Variants in AHDC1 observed in about 807,000 individuals in gnomAD.
AHDC1 encodes transcription factor Gibbin.
Under a neutral mutation model 87.9 loss-of-function variants are expected in AHDC1, and 7 were observed. That is an observed-to-expected ratio of 0.08 (90% CI 0.05 to 0.15). The LOEUF (loss-of-function observed/expected upper bound fraction) is 0.15. Among genes scored for constraint, AHDC1 ranks in the 10% least tolerant of loss-of-function variants. The pLI, the probability that AHDC1 is intolerant of heterozygous loss-of-function variation, is 1.00. For synonymous variants in AHDC1, 1,051 were observed against 1,006.8 expected (o/e 1.04, Z -0.83); for missense variants, 1,841 against 2,253.2 (o/e 0.82, Z 3.70).
At chr1:27,574,791 G>A (rs576030315) in intron 3 of AHDC1, among the ~76,000 whole-genome samples, 25 of 152,274 alleles carry the variant, frequency 1.6e-4, no homozygotes, top group African/African-American at 5.5e-4. Flanking sequence ...CAAAGGGCAG[G>A]GTAGACCTCT....
rs2020287151 is a variant in AHDC1, at chr1:27,565,661, A to C, written c.-628-6778T>G. Among the ~76,000 whole-genome samples the C allele has an allele frequency of 6.6e-6, 1 of 152,214 alleles. No homozygotes were observed. Among genetic ancestry groups the C allele is most frequent in the Non-Finnish European group, 1.5e-5 (1 of 68,038 alleles). ...ACTCAAAGCACTTTAAAGAAGTCAGACATGAAGCAAGGATAGTATCCCTAT... is the reference window on the plus strand; with the variant it reads ...ACTCAAAGCACTTTAAAGAAGTCAGCCATGAAGCAAGGATAGTATCCCTAT... On this transcript the variant is annotated intron_variant, in intron 3 of 8. Coordinates refer to ENST00000673934, the MANE Select transcript of AHDC1 (RefSeq NM_001371928.1). The surrounding 1 kb of genome is among the most constrained non-coding windows in gnomAD (Gnocchi z 4.6).
chr1:27,546,142 G>A (rs1470866667), intron 8 of AHDC1, among the ~76,000 whole-genome samples: 2 of 152,210 alleles, frequency 1.3e-5, no homozygotes, highest in Admixed American at 1.3e-4. Context: ...CAGAGGTGAA[G>A]GGTGAGGGAC....
Position 27,547,793 on chromosome 1 carries a change from C to G in AHDC1, c.4323G>C (p.Gln1441His), listed in dbSNP as rs748298923. ...GCAGGTCCCGGCAGCTCAGGTGGGC[C>G]TGGGCTGCAGCTGCGTGGCCCAGGC... ...GASLGHAAAA[Q>H]AHLSCRDLPL... The change falls in exon 8 of 9, where the codon CAG (glutamine) becomes CAC (histidine). Residue 1441 changes from glutamine (Q) to histidine (H), a missense_variant. Around this residue, in one of 13 missense-constraint regions of AHDC1, gnomAD observed 505 missense variants for 626.2 expected, o/e 0.81. Coordinates refer to ENST00000673934, the MANE Select transcript of AHDC1 (RefSeq NM_001371928.1). The surrounding 1 kb of genome is among the most constrained non-coding windows in gnomAD (Gnocchi z 4.9). 1.3e-6 allele frequency: 2 copies of G among 1,570,622 alleles called. No individual in the cohort carries two copies. Among genetic ancestry groups the G allele is most frequent in the Non-Finnish European group, 1.7e-6 (2 of 1,157,008 alleles).
At chr1:27,592,314 C>A (rs571910046) in intron 3 of AHDC1, among the ~76,000 whole-genome samples, 3 of 152,096 alleles carry the variant, frequency 2.0e-5, no homozygotes, top group Non-Finnish European at 4.4e-5. Flanking sequence ...CTGCCTGCCT[C>A]GCACCCGCAC....
At chr1:27,553,996 T>C (rs570444611) in intron 5 of AHDC1, among the ~76,000 whole-genome samples, 4 of 152,204 alleles carry the variant, frequency 2.6e-5, no homozygotes, top group Non-Finnish European at 5.9e-5. Context: ...GCCCAGGAGG[T>C]TGAGGCTGGC....
chr1:27,540,057 G>A (rs2018837036), intron 8 of AHDC1, among the ~76,000 whole-genome samples: 1 of 152,162 alleles, frequency 6.6e-6, no homozygotes. Flanking sequence ...TGTCGGACAT[G>A]CAACTGAAGT....
Position 27,552,208 on chromosome 1 carries a change from AG to A in AHDC1, c.-74-20del. ...CCAGGACCTGCCAGGCAGGAAGAGC[AG>A]GAGGTCCCTTACTGAACACCTACAT... On this transcript the variant is annotated intron_variant, in intron 7 of 8. Coordinates refer to ENST00000673934, the MANE Select transcript of AHDC1 (RefSeq NM_001371928.1). The A allele has an allele frequency of 7.0e-7, 1 of 1,421,132 alleles. No individual in the cohort carries two copies. The highest frequency in any genetic ancestry group is 9.2e-7 in the Non-Finnish European group (1 of 1,091,594). 88.0% of individuals were successfully genotyped at this position (1,421,132 alleles called of 1,614,324 possible).
intron 3 of AHDC1, among the ~76,000 whole-genome samples, chr1:27,575,698 C>A (rs1342700627): frequency 6.6e-6 from 1 of 151,712 alleles, no homozygotes; most frequent in African/African-American, 2.4e-5. Flanking sequence ...CCGGTCCAAC[C>A]CGGCCGGGTA....
At chr1:27,540,410 A>C (rs6672918) in intron 8 of AHDC1, among the ~76,000 whole-genome samples, 1 of 143,104 alleles carries the variant, frequency 7.0e-6, no homozygotes, top group Non-Finnish European at 1.5e-5. Context: ...AAAAAAAAAA[A>C]CAAAAAAACC....
At chr1:27,544,853 G>A (rs972012641) in intron 8 of AHDC1, among the ~76,000 whole-genome samples, 4 of 152,160 alleles carry the variant, frequency 2.6e-5, no homozygotes, top group African/African-American at 9.6e-5. Flanking sequence ...CGGTGGCCTG[G>A]GGAATTCCAG....
intron 3 of AHDC1, among the ~76,000 whole-genome samples, chr1:27,585,253 C>CAAAAAAA (rs35143338): frequency 1.5e-5 from 1 of 66,332 alleles, no homozygotes; most frequent in East Asian, 5.1e-4. Flanking sequence ...GACCCTGTCT[C>CAAAAAAA]AAAAAAAAAA....
At chr1:27,596,948 C>T (rs1456183529) in intron 3 of AHDC1, among the ~76,000 whole-genome samples, 1 of 152,192 alleles carries the variant, frequency 6.6e-6, no homozygotes, top group Non-Finnish European at 1.5e-5. Flanking sequence ...CATGAGGACA[C>T]TCGCCATCCC....
In AHDC1 at chr1:27,590,707, A is replaced by G. The variant is rs898063259; in HGVS notation, c.-629+12690T>C. Among the ~76,000 whole-genome samples, 4 of 152,116 alleles carry G rather than the reference A, an allele frequency of 2.6e-5. No homozygotes were observed. Among genetic ancestry groups the G allele is most frequent in the African/African-American group, 9.7e-5 (4 of 41,416 alleles). On this transcript the variant is annotated intron_variant, in intron 3 of 8. Coordinates refer to ENST00000673934, the MANE Select transcript of AHDC1 (RefSeq NM_001371928.1). This position sits in a 1 kb window ranked among gnomAD's most constrained non-coding sequence, Gnocchi z 5.4. ...TTAAGGTCCAAAGTTGGGGAAACTGAGGCAGTGAAGCCCTCCGCCCTACTC... is the reference window on the plus strand; with the variant it reads ...TTAAGGTCCAAAGTTGGGGAAACTGGGGCAGTGAAGCCCTCCGCCCTACTC...
rs768666718 is a variant in AHDC1, at chr1:27,547,703, G to A, written c.4413C>T (p.Gly1471=). The part of the protein sequence containing the change: ...CKGTAYWYPP[G]SAARSPPYEG... ...CATAGGGCGGGCTGCGGGCAGCTGAGCCTGGAGGGTACCAATAGGCTGTGC... is the reference window on the plus strand; with the variant it reads ...CATAGGGCGGGCTGCGGGCAGCTGAACCTGGAGGGTACCAATAGGCTGTGC... The change falls in exon 8 of 9, where the codon GGC becomes GGT. Residue 1471 remains glycine, a synonymous_variant. Transcript: ENST00000673934. This position sits in a 1 kb window ranked among gnomAD's most constrained non-coding sequence, Gnocchi z 4.9. 3.8e-6 allele frequency: 6 copies of A among 1,596,820 alleles called. No homozygotes were observed. Among genetic ancestry groups the A allele is most frequent in the African/African-American group, 1.3e-5 (1 of 74,612 alleles).
At chr1:27,536,097 C>A (rs750431791) in intron 8 of AHDC1, among the ~76,000 whole-genome samples, 9 of 152,202 alleles carry the variant, frequency 5.9e-5, no homozygotes, top group African/African-American at 2.2e-4. Flanking sequence ...GGAGCCCATC[C>A]GTCCTCCCCC....
At chr1:27,585,981 G>A (rs2089044096) in intron 3 of AHDC1, among the ~76,000 whole-genome samples, 1 of 152,228 alleles carries the variant, frequency 6.6e-6, no homozygotes, top group Non-Finnish European at 1.5e-5. Flanking sequence ...CCCCGGATAT[G>A]TCCATAGATA....
chr1:27,552,256 TTGA>T, intron 7 of AHDC1, 67 bp from the exon 8 acceptor site: 4 of 1,345,060 alleles, frequency 3.0e-6, no homozygotes, highest in Non-Finnish European at 3.8e-6. Context: ...TCCCATATCC[TTGA>T]TGAGCTCCTG....
chr1:27,549,937 C>T lies in AHDC1; in HGVS notation c.2179G>A (p.Gly727Ser), dbSNP rs923268003. 1 of 1,613,298 alleles carries T rather than the reference C, an allele frequency of 6.2e-7. No homozygotes were observed. Among genetic ancestry groups the T allele is most frequent in the Non-Finnish European group, 8.5e-7 (1 of 1,179,750 alleles). ...LTELGHPRKR[G>S]RGEVDAVTGK... Reference sequence around the variant, plus strand: ...GTCACAGCGTCTACCTCCCCCCGGCCCCGTTTGCGTGGGTGCCCCAACTCA... The same window carrying T: ...GTCACAGCGTCTACCTCCCCCCGGCTCCGTTTGCGTGGGTGCCCCAACTCA... Residue 727 changes from glycine (G) to serine (S), a missense_variant, in exon 8 of 9, where the codon GGC becomes AGC. This residue lies in a region of AHDC1 where 236 missense variants were observed against 257.9 expected (regional missense o/e 0.92). Coordinates refer to ENST00000673934, the MANE Select transcript of AHDC1 (RefSeq NM_001371928.1).
rs76554497 is a variant in AHDC1, at chr1:27,567,093, G to A, written c.-628-8210C>T. On this transcript the variant is annotated intron_variant, in intron 3 of 8. Transcript: ENST00000673934. ...GTGCACTGCTCTCCAGGCCGTCTGT[G>A]GGCATCCCAGCTTCCTGCATGCGCC... Among the ~76,000 whole-genome samples the A allele has an allele frequency of 3.2e-4, 49 of 152,226 alleles. 1 individual carries two copies. In the East Asian group the frequency reaches 9.5e-3, roughly 29 times the overall value.
Sources: gnomAD v4.1 joint callset for allele counts (sites outside exome capture counted in the v4.1 genomes callset) on GRCh38, gnomAD v4.1.1 for gene constraint, gnomAD v4.1.1 regional missense constraint, Gnocchi (gnomAD v3.1) non-coding constraint, MANE v1.5 for transcripts, NCBI Gene and HGNC (gene_info 2026-07-23, HGNC 2026-07-21) for gene names.